TMEM178A: variants seen among roughly 807,000 people sequenced by gnomAD.
TMEM178A encodes the protein transmembrane protein 178.
TMEM178A carries 12 observed loss-of-function variants against 29.1 expected under a neutral mutation model. The ratio of observed to expected loss-of-function variants is 0.41; its 90% CI spans 0.26 to 0.67. The LOEUF is 0.67. Ranked by LOEUF, TMEM178A falls within the 30% of genes least tolerant of loss-of-function variation. The pLI, the probability that TMEM178A is intolerant of heterozygous loss-of-function variation, is 0.29. For missense variants in TMEM178A, 366 were observed against 419.1 expected (o/e 0.87, Z 1.11); for synonymous variants, 210 against 187.2 (o/e 1.12, Z -0.99).
intron 1 of TMEM178A, among the ~76,000 whole-genome samples, chr2:39,672,531 AT>A (rs201745550): frequency 6.6e-6 from 1 of 151,592 alleles, no homozygotes; most frequent in African/African-American, 2.4e-5. Flanking sequence ...TTCTTTTTTC[AT>A]TTTTTTTGAG....
At chr2:39,715,687 A>C (rs546265332) in intron 3 of TMEM178A, among the ~76,000 whole-genome samples, 1 of 152,324 alleles carries the variant, frequency 6.6e-6, no homozygotes, top group East Asian at 1.9e-4. Flanking sequence ...GTGTCCTTTT[A>C]ATTTAGAACA....
At chr2:39,684,493 A>G (rs1415242254) in intron 1 of TMEM178A, among the ~76,000 whole-genome samples, 2 of 152,220 alleles carry the variant, frequency 1.3e-5, no homozygotes, top group Non-Finnish European at 2.9e-5. Flanking sequence ...GCATTAAGCC[A>G]CATAATTTTC....
At chr2:39,679,882 C>T (rs750328898) in intron 1 of TMEM178A, among the ~76,000 whole-genome samples, 1 of 152,110 alleles carries the variant, frequency 6.6e-6, no homozygotes, top group Non-Finnish European at 1.5e-5. Context: ...ACTGAACCAC[C>T]CTGCTGCTGT....
chr2:39,716,766 G>T (rs758025959), intron 3 of TMEM178A, among the ~76,000 whole-genome samples: 10 of 151,952 alleles, frequency 6.6e-5, no homozygotes, highest in African/African-American at 9.7e-5. Context: ...AATAATTCAG[G>T]TTATCAGAAT....
the TMEM178A span, among the ~76,000 whole-genome samples, chr2:39,728,048 C>T: frequency 6.6e-6 from 1 of 152,098 alleles, no homozygotes; most frequent in Non-Finnish European, 1.5e-5. Flanking sequence ...TTTATAGTAG[C>T]ATGATTTATA....
At chr2:39,700,344 T>C (rs1425684577) in intron 1 of TMEM178A, among the ~76,000 whole-genome samples, 2 of 152,188 alleles carry the variant, frequency 1.3e-5, no homozygotes, top group Non-Finnish European at 1.5e-5. Flanking sequence ...ATTGCATGTA[T>C]TTTGGGGCTC....
intron 1 of TMEM178A, among the ~76,000 whole-genome samples, chr2:39,691,067 G>A (rs1461141921): frequency 6.6e-6 from 1 of 152,126 alleles, no homozygotes; most frequent in African/African-American, 2.4e-5. Context: ...ATGAAAAAGT[G>A]AAGAATGTAT....
intron 1 of TMEM178A, among the ~76,000 whole-genome samples, chr2:39,695,503 T>C (rs76562865): frequency 6.6e-6 from 1 of 150,576 alleles, no homozygotes; most frequent in Non-Finnish European, 1.5e-5. Context: ...TGGTCTGCAG[T>C]GTTTGGGGTA....
At chr2:39,669,910 G>A (rs1015169013) in intron 1 of TMEM178A, among the ~76,000 whole-genome samples, 3 of 152,160 alleles carry the variant, frequency 2.0e-5, no homozygotes, top group Non-Finnish European at 4.4e-5. Flanking sequence ...CTTATTATGT[G>A]CAAGGTAATG....
chr2:39,707,927 T>A (rs1672109882), intron 3 of TMEM178A, among the ~76,000 whole-genome samples: 1 of 152,220 alleles, frequency 6.6e-6, no homozygotes, highest in Non-Finnish European at 1.5e-5. Flanking sequence ...ATGGTGTCAT[T>A]TTTACATACA....
chr2:39,724,283 A>C, the TMEM178A span, among the ~76,000 whole-genome samples: 1 of 148,800 alleles, frequency 6.7e-6, no homozygotes, highest in African/African-American at 2.5e-5. Context: ...AATTATTTCA[A>C]AAAAAAAAAA....
At chr2:39,727,203 C>G in the TMEM178A span, among the ~76,000 whole-genome samples, 2 of 152,180 alleles carry the variant, frequency 1.3e-5, no homozygotes, top group African/African-American at 2.4e-5. Context: ...GCTCACATCC[C>G]TTTCAGATAG....
chr2:39,727,913 T>C, the TMEM178A span, among the ~76,000 whole-genome samples: 1 of 152,182 alleles, frequency 6.6e-6, no homozygotes, highest in Non-Finnish European at 1.5e-5. Context: ...TATGGCAGCA[T>C]AGTATTCCAT....
At chr2:39,685,608 T>C (rs1671044694) in intron 1 of TMEM178A, among the ~76,000 whole-genome samples, 1 of 152,166 alleles carries the variant, frequency 6.6e-6, no homozygotes, top group South Asian at 2.1e-4. Context: ...ATAAGACTAG[T>C]TAAGTTAGAT....
intron 1 of TMEM178A, among the ~76,000 whole-genome samples, chr2:39,695,357 A>AG (rs1324500401): frequency 6.6e-6 from 1 of 151,262 alleles, no homozygotes. Flanking sequence ...GTTGTAATCC[A>AG]GAAAAAAGTC....
At chr2:39,674,331 G>A (rs1670525031) in intron 1 of TMEM178A, among the ~76,000 whole-genome samples, 1 of 152,212 alleles carries the variant, frequency 6.6e-6, no homozygotes, top group African/African-American at 2.4e-5. Context: ...ATACTACTCA[G>A]CCATGAAAAG....
At chr2:39,706,938 C>T in intron 2 of TMEM178A, 111 bp from the exon 3 acceptor site, 1 of 1,298,876 alleles carries the variant, frequency 7.7e-7, no homozygotes, top group East Asian at 2.4e-5. Flanking sequence ...GGCTCTAAGC[C>T]TGTCCATGTA....
chr2:39,713,043 A>C (rs1184157980), intron 3 of TMEM178A, among the ~76,000 whole-genome samples: 1 of 152,208 alleles, frequency 6.6e-6, no homozygotes, highest in African/African-American at 2.4e-5. Context: ...CCATGTGCTC[A>C]GCTCTGTTGG....
At chr2:39,725,348 C>G in the TMEM178A span, among the ~76,000 whole-genome samples, 2 of 152,106 alleles carry the variant, frequency 1.3e-5, no homozygotes, top group African/African-American at 4.8e-5. Flanking sequence ...TGCGATACGC[C>G]TACATAATCA....
Sources: gnomAD v4.1 joint callset for allele counts (sites outside exome capture counted in the v4.1 genomes callset) on GRCh38, gnomAD v4.1.1 for gene constraint, MANE v1.5 for transcripts, NCBI Gene and HGNC (gene_info 2026-07-23, HGNC 2026-07-21) for gene names.